MIER2: variants seen among roughly 807,000 people sequenced by gnomAD.
The protein encoded by MIER2 is MIER family member 2.
A neutral mutation model predicts 67.6 loss-of-function variants in MIER2; 30 were observed. The ratio of observed to expected loss-of-function variants is 0.44; its 90% CI spans 0.33 to 0.60. The LOEUF (loss-of-function observed/expected upper bound fraction) is 0.60, where lower values mean the gene tolerates loss of function less well. Among genes scored for constraint, MIER2 ranks in the 20% least tolerant of loss-of-function variants. The pLI is 0.02. For synonymous variants in MIER2, 372 were observed against 312.6 expected (o/e 1.19, Z -2.00); for missense variants, 702 against 745.1 (o/e 0.94, Z 0.67).
In MIER2 at chr19:308,782, T is replaced by C. The variant is rs1970787694; in HGVS notation, c.1109+19A>G. On this transcript the variant is annotated intron_variant, in intron 11 of 13. Coordinates refer to ENST00000264819, the MANE Select transcript of MIER2 (RefSeq NM_017550.3). The surrounding 1 kb of genome is among the most constrained non-coding windows in gnomAD (Gnocchi z 9.1). ...CGGGGTGGCCGCCTGTCGTTACTGC[T>C]GGGGAGGGCTGCACGCACGTGGTTC... 5 of 1,596,866 alleles carry C rather than the reference T, an allele frequency of 3.1e-6. No individual in the cohort carries two copies. Among genetic ancestry groups the C allele is most frequent in the Non-Finnish European group, 4.3e-6 (5 of 1,166,842 alleles).
rs774231082 is a variant in MIER2 at position 306,665 on chromosome 19, C to G, written c.*25G>C. ...CGGCAGCGCTAAGTCCAGTCTGGGC[C>G]GCATACGCCGCCCGCGGCCAGGAGT... is the stretch of plus-strand genomic sequence containing the variant. On this transcript the variant is annotated 3_prime_UTR_variant, in exon 14 of 14. Transcript: ENST00000264819. The G allele has an allele frequency of 3.2e-6, 5 of 1,552,394 alleles. No individual in the cohort carries two copies. In the Admixed American group the frequency reaches 9.8e-5, roughly 30 times the overall value.
At chr19:317,013 C>T (rs989251862) in intron 7 of MIER2, among the ~76,000 whole-genome samples, 10 of 152,162 alleles carry the variant, frequency 6.6e-5, no homozygotes, top group African/African-American at 2.4e-4. Context: ...ATGTTGTAAC[C>T]TCTAAAGCGC....
At chr19:333,709 G>T in intron 3 of MIER2, among the ~76,000 whole-genome samples, 1 of 121,476 alleles carries the variant, frequency 8.2e-6, no homozygotes, top group Non-Finnish European at 1.7e-5. Context: ...CTTTTTTGGA[G>T]ACGGAGTCTC....
intron 1 of MIER2, among the ~76,000 whole-genome samples, chr19:337,596 G>A (rs1972314944): frequency 6.6e-6 from 1 of 152,196 alleles, no homozygotes; most frequent in Non-Finnish European, 1.5e-5. Context: ...GCCGGGCACG[G>A]TGGCTCACGC....
intron 7 of MIER2, among the ~76,000 whole-genome samples, chr19:317,333 C>T (rs572104084): frequency 7.9e-5 from 12 of 151,994 alleles, no homozygotes; most frequent in Non-Finnish European, 1.2e-4. Flanking sequence ...CGAGACCACC[C>T]GGGCTAACAC....
In MIER2 at chr19:316,437, T is replaced by C. The variant is rs536582395; in HGVS notation, c.656-2794A>G. Among the ~76,000 whole-genome samples, 468 of 151,958 alleles carry C rather than the reference T, an allele frequency of 3.1e-3. 3 individuals are homozygous for C. The highest frequency in any genetic ancestry group is 0.011 in the African/African-American group (440 of 41,424). On this transcript the variant is annotated intron_variant, in intron 7 of 13. Coordinates refer to ENST00000264819, the MANE Select transcript of MIER2 (RefSeq NM_017550.3). ...CCTCCCGAGTAGCTGGGACTACAGG[T>C]GCCCACCACGCCTGGCTAATTTTTG...
rs948812654 is a variant in MIER2 at position 307,332 on chromosome 19, G to C, written c.1403C>G (p.Pro468Arg). ...AVTAPEPDAS[P>R]RLAVDFALPK... is the part of the protein sequence containing the mutation. ...CAGGGCGAAGTCCACGGCCAGCCTT[G>C]GGCTGGCGTCTGGCTCCGGAGCAGT... is the stretch of plus-strand genomic sequence containing the variant. The change falls in exon 13 of 14, where the codon CCA becomes CGA. Residue 468 changes from proline to arginine, a missense_variant. Pro to Arg is a moderately radical substitution (Grantham distance 103). This residue lies in a region of MIER2 where 254 missense variants were observed against 262.8 expected (regional missense o/e 0.97). Coordinates refer to ENST00000264819, the MANE Select transcript of MIER2 (RefSeq NM_017550.3). The C allele has an allele frequency of 6.2e-7, 1 of 1,603,376 alleles. No homozygotes were observed. The highest frequency in any genetic ancestry group is 8.5e-7 in the Non-Finnish European group (1 of 1,175,764).
intron 2 of MIER2, among the ~76,000 whole-genome samples, chr19:335,110 C>G (rs1017881373): frequency 1.3e-5 from 2 of 152,230 alleles, no homozygotes; most frequent in Non-Finnish European, 2.9e-5. Context: ...CAGGGTTTCC[C>G]CGAAAGAACT....
chr19:314,671 T>A (rs766402514), intron 7 of MIER2, among the ~76,000 whole-genome samples: 2 of 151,768 alleles, frequency 1.3e-5, no homozygotes, highest in Non-Finnish European at 2.9e-5. Flanking sequence ...GCCACCTTTC[T>A]CCATCTCCAC....
chr19:313,992 G>A (rs1224538802), intron 7 of MIER2, among the ~76,000 whole-genome samples: 2 of 152,204 alleles, frequency 1.3e-5, no homozygotes, highest in African/African-American at 4.8e-5. Flanking sequence ...TCTAAGCAAG[G>A]ACTCTGCAGA....
At chr19:309,647 G>C (rs113703797) in intron 10 of MIER2, among the ~76,000 whole-genome samples, 230 of 105,002 alleles carry the variant, frequency 2.2e-3, no homozygotes, top group East Asian at 3.0e-3. Flanking sequence ...GCTTCAGGGA[G>C]ACGAGAAGGG....
At chr19:326,685 C>T in intron 5 of MIER2, 87 bp from the exon 6 acceptor site, 1 of 1,077,288 alleles carries the variant, frequency 9.3e-7, no homozygotes, top group Non-Finnish European at 1.4e-6. Flanking sequence ...TCTCCATCCA[C>T]CTGATCCCCA....
In MIER2 at chr19:324,401, G is replaced by A. The variant is rs189011313; in HGVS notation, c.655+1234C>T. On this transcript the variant is annotated intron_variant, in intron 7 of 13. Transcript: ENST00000264819. ...CACAGACGACTCGAATGACACAGGC[G>A]TCATCACAATGCAATAAAGACACAC... is the stretch of plus-strand genomic sequence containing the variant. 8.9e-5 allele frequency among the ~76,000 whole-genome samples: 11 copies of A among 124,086 alleles called. 1 individual carries two copies. Among genetic ancestry groups the A allele is most frequent in the African/African-American group, 1.7e-4 (5 of 29,368 alleles). The allele number at this position is 124,086 out of a possible 152,430, so 81.4% of individuals were successfully genotyped here. A position where few individuals can be genotyped will look rare whatever the true frequency, so the allele number is the denominator to read the frequency against.
intron 3 of MIER2, among the ~76,000 whole-genome samples, chr19:332,549 G>A (rs1972076166): frequency 6.7e-6 from 1 of 149,240 alleles, no homozygotes; most frequent in African/African-American, 2.5e-5. Flanking sequence ...TGATCCACCT[G>A]CCTCAGCCTC....
intron 12 of MIER2, 24 bp from the exon 13 acceptor site, chr19:307,560 G>T: frequency 6.7e-7 from 1 of 1,487,860 alleles, no homozygotes; most frequent in South Asian, 1.4e-5. Context: ...CGCAACAGAG[G>T]GTGGGGCCTG....
In MIER2 at chr19:334,745, G is replaced by C. The variant is rs535376436; in HGVS notation, c.101-203C>G. 2.2e-4 allele frequency among the ~76,000 whole-genome samples: 34 copies of C among 152,306 alleles called. 1 individual carries two copies. The highest frequency in any genetic ancestry group is 7.8e-4 in the Admixed American group (12 of 15,300). On this transcript the variant is annotated intron_variant, in intron 2 of 13. Transcript: ENST00000264819. ...GGTGAGCTGCACATACAAATTCCAA[G>C]GATTTTTTTGGGGGGTGGGTGTGTC...
intron 1 of MIER2, among the ~76,000 whole-genome samples, chr19:337,898 G>A (rs1359012284): frequency 7.6e-6 from 1 of 132,034 alleles, no homozygotes; most frequent in Non-Finnish European, 1.6e-5. Context: ...AAAAGGCTGG[G>A]CGCAGTGGCT....
At chr19:338,320 AT>A (rs1403956452) in intron 1 of MIER2, among the ~76,000 whole-genome samples, 1 of 152,210 alleles carries the variant, frequency 6.6e-6, no homozygotes, top group Non-Finnish European at 1.5e-5. Flanking sequence ...ATAAAAATCA[AT>A]TTTATTTCTA....
chr19:326,233 G>T (rs1366348128), intron 6 of MIER2, among the ~76,000 whole-genome samples: 1 of 151,476 alleles, frequency 6.6e-6, no homozygotes, highest in African/African-American at 2.4e-5. Context: ...TGCCAGGTTG[G>T]GGACACAGCA....
Sources: allele counts gnomAD v4.1 joint callset (sites outside exome capture counted in the v4.1 genomes callset), GRCh38; gene constraint gnomAD v4.1.1; regional missense constraint gnomAD v4.1.1; non-coding constraint Gnocchi (gnomAD v3.1); transcripts MANE v1.5; gene names NCBI Gene and HGNC (gene_info 2026-07-23, HGNC 2026-07-21).